The following FCSK variants were observed in gnomAD, a reference collection of about 807,000 sequenced individuals.
FCSK encodes the protein L-fucose kinase.
In FCSK, 123 loss-of-function variants were observed where a neutral mutation model predicts 122.5. The ratio of observed to expected loss-of-function variants is 1.00; its 90% CI spans 0.87 to 1.17. The LOEUF (loss-of-function observed/expected upper bound fraction) is 1.17. Ranked by LOEUF, FCSK falls within the 50% of genes most tolerant of loss-of-function variation. FCSK has a pLI of 0.00. For synonymous variants in FCSK, 620 were observed against 625.5 expected (o/e 0.99, Z 0.13); for missense variants, 1,366 against 1,450.4 (o/e 0.94, Z 0.95).
At position 70,479,767 on chromosome 16, in the gene FCSK, C is replaced by A. The variant is rs550696584; in HGVS notation, c.*87C>A. 5 of 957,246 alleles carry A rather than the reference C, an allele frequency of 5.2e-6. No individual in the cohort carries two copies. In the South Asian group the frequency reaches 6.2e-5, roughly 12 times the overall value. The allele number at this position is 957,246 out of a possible 1,614,324, so 59.3% of individuals were successfully genotyped here. ...CCCATGGGAACCTCCACCTCCTACTCCCCACCCACCTCTGCGAATCTGCTC... is the reference window on the plus strand; with the variant it reads ...CCCATGGGAACCTCCACCTCCTACTACCCACCCACCTCTGCGAATCTGCTC... On this transcript the variant is annotated 3_prime_UTR_variant, in exon 24 of 24. Coordinates refer to ENST00000288078, the MANE Select transcript of FCSK (RefSeq NM_145059.3).
In FCSK at chr16:70,474,565, G is replaced by A. The variant is rs754026874; in HGVS notation, c.2026G>A (p.Gly676Arg). The stretch of plus-strand genomic sequence containing the variant: ...GGTGCGAGCGGCCCGCCACTATGAG[G>A]GGGCTGGTCAGATCCTGATCCGCCA... Reference protein sequence around the residue: ...LLVRAARHYEGAGQILIRQAV... With the variant: ...LLVRAARHYERAGQILIRQAV... Residue 676 changes from glycine (G) to arginine (R), a missense_variant, in exon 17 of 24, where the codon GGG becomes AGG. Physicochemically the swap from Gly to Arg is moderately radical, Grantham distance 125. Coordinates refer to ENST00000288078, the MANE Select transcript of FCSK (RefSeq NM_145059.3). 1.3e-6 allele frequency: 2 copies of A among 1,557,118 alleles called. No individual in the cohort carries two copies. The highest frequency in any genetic ancestry group is 3.9e-5 in the Admixed American group (2 of 51,628).
chr16:70,460,146 G>C (rs1358088318), intron 1 of FCSK, among the ~76,000 whole-genome samples: 1 of 136,142 alleles, frequency 7.3e-6, no homozygotes, highest in Non-Finnish European at 1.5e-5. Context: ...TCGCTCTGTC[G>C]CCCAGGCTGG....
chr16:70,472,171 C>T (rs1006646146), intron 13 of FCSK, among the ~76,000 whole-genome samples: 3 of 152,102 alleles, frequency 2.0e-5, no homozygotes, highest in Non-Finnish European at 4.4e-5. Context: ...GGAGGTAACC[C>T]GCCTTGGGCT....
intron 1 of FCSK, among the ~76,000 whole-genome samples, chr16:70,459,523 G>A (rs890815328): frequency 1.3e-5 from 2 of 152,052 alleles, no homozygotes; most frequent in Non-Finnish European, 2.9e-5. Flanking sequence ...GGGGGATACA[G>A]TAAGACTCCA....
chr16:70,472,721 G>C, intron 14 of FCSK, 116 bp downstream of exon 14: 1 of 929,300 alleles, frequency 1.1e-6, no homozygotes, highest in Non-Finnish European at 1.6e-6. Flanking sequence ...CCATCCAGGG[G>C]CCTGGGTGGT....
chr16:70,464,654 C>A (rs1212664685), intron 3 of FCSK, among the ~76,000 whole-genome samples: 1 of 142,290 alleles, frequency 7.0e-6, no homozygotes, highest in Non-Finnish European at 1.5e-5. Context: ...GAGCTGAGAT[C>A]ATGCCATTGC....
intron 8 of FCSK, 84 bp from the exon 9 acceptor site, chr16:70,468,765 G>A: frequency 6.5e-7 from 1 of 1,539,876 alleles, no homozygotes; most frequent in Middle Eastern, 1.7e-4. Flanking sequence ...GCTTCATGTG[G>A]CCCATCTGCA....
Position 70,478,581 on chromosome 16 carries a change from C to G in FCSK, c.2860C>G (p.Pro954Ala), listed in dbSNP as rs545722467. ...GCTGAGGAGCTGGTATGCCCGACTT[C>G]CTGCTGTGGTGCAGAATGCCCACAG... is the stretch of plus-strand genomic sequence containing the variant. ...DVLRSWYARLPAVVQNAHSLV... is the reference protein window; with the variant it reads ...DVLRSWYARLAAVVQNAHSLV... Residue 954 changes from proline to alanine, a missense_variant, in exon 22 of 24, where the codon CCT becomes GCT. Transcript: ENST00000288078. 6 of 1,613,822 alleles carry G rather than the reference C, an allele frequency of 3.7e-6. No homozygotes were observed. The African/African-American group carries it at 8.0e-5, about 21-fold the overall frequency.
In FCSK at chr16:70,479,677, A is replaced by G. The variant is rs746043117; in HGVS notation, c.3252A>G (p.Pro1084=). The G allele has an allele frequency of 3.7e-6, 6 of 1,613,354 alleles. No individual in the cohort carries two copies. Among genetic ancestry groups the G allele is most frequent in the African/African-American group, 1.3e-5 (1 of 74,900 alleles). Residue 1084 remains proline (P), a synonymous_variant, in exon 24 of 24, where the codon CCA becomes CCG. Transcript: ENST00000288078. ...AGGCCTCAACCTGTTGCCCTTTCCC[A>G]TGAAGCTGGCTTCTCTCTGCAACAG... The part of the protein sequence containing the change: ...GTEASTCCPF[P]
rs376941268 is a variant in FCSK, at chr16:70,466,225, C to A, written c.379C>A (p.Leu127Met). 29 of 1,613,956 alleles carry A rather than the reference C, an allele frequency of 1.8e-5. No individual in the cohort carries two copies. In the Admixed American group the frequency reaches 2.2e-4, roughly 12 times the overall value. ...EAPVEALVCN[L>M]DCLLDIMTYR... ...CCCCGTGGAAGCCTTGGTCTGCAAC[C>A]TGGACTGCCTGCTGGACATCATGAC... The change falls in exon 5 of 24, where the codon CTG becomes ATG. Residue 127 changes from leucine (L) to methionine (M), a missense_variant. By Grantham distance (15) the Leu-to-Met change is conservative. Transcript: ENST00000288078.
rs759531686 is a variant in FCSK, at chr16:70,473,065, T to C, written c.1489T>C (p.Ser497Pro). The change falls in exon 15 of 24, where the codon TCG becomes CCG. Residue 497 changes from serine to proline, a missense_variant. Transcript: ENST00000288078. This position sits in a 1 kb window ranked among gnomAD's most constrained non-coding sequence, Gnocchi z 4.9. ...SARLFPVLHPSRELGPQDLLW... is the reference protein window; with the variant it reads ...SARLFPVLHPPRELGPQDLLW... ...CCGCCTCTTTCCTGTGCTCCACCCC[T>C]CGAGGGAGCTGGGACCCCAGGACCT... The C allele has an allele frequency of 6.3e-7, 1 of 1,589,802 alleles. No individual in the cohort carries two copies. Among genetic ancestry groups the C allele is most frequent in the South Asian group, 1.1e-5 (1 of 87,474 alleles).
Position 70,479,296 on chromosome 16 carries a change from G to C in FCSK, c.3046G>C (p.Val1016Leu). Reference sequence around the variant, plus strand: ...TATGATGGATGTCCTGGCCCCCCACGTGCATGGCCAGAGCCTGGCTGGGGC... The same window carrying C: ...TATGATGGATGTCCTGGCCCCCCACCTGCATGGCCAGAGCCTGGCTGGGGC... ...RRMMDVLAPH[V>L]HGQSLAGAGG... Residue 1016 changes from valine (V) to leucine (L), a missense_variant, in exon 23 of 24, where the codon GTG (valine) becomes CTG (leucine). Transcript: ENST00000288078. 1 of 1,614,052 alleles carries C rather than the reference G, an allele frequency of 6.2e-7. No homozygotes were observed. The highest frequency in any genetic ancestry group is 8.5e-7 in the Non-Finnish European group (1 of 1,180,036).
intron 13 of FCSK, 110 bp downstream of exon 13, chr16:70,471,462 A>T (rs1223846467): frequency 4.4e-6 from 5 of 1,139,464 alleles, no homozygotes; most frequent in Non-Finnish European, 4.9e-6. Context: ...CCCGTGGGAC[A>T]GGCTGTGAGG....
At position 70,470,437 on chromosome 16, in the gene FCSK, C is replaced by T. The variant is rs367993863; in HGVS notation, c.1068+11C>T. 6.5e-7 allele frequency: 1 copy of T among 1,541,382 alleles called. No homozygotes were observed. ...CACTCCCAGGTGGAGGTGAGACCTCCCTGCCCCTCCGGTGCCTGCTGGTTG... is the reference window on the plus strand; with the variant it reads ...CACTCCCAGGTGGAGGTGAGACCTCTCTGCCCCTCCGGTGCCTGCTGGTTG... On this transcript the variant is annotated intron_variant, in intron 11 of 23. Transcript: ENST00000288078.
At chr16:70,464,146 C>T (rs953783353) in intron 3 of FCSK, among the ~76,000 whole-genome samples, 1 of 152,200 alleles carries the variant, frequency 6.6e-6, no homozygotes, top group Admixed American at 6.5e-5. Flanking sequence ...CCTGCTGGTC[C>T]CGTGTCTCCC....
chr16:70,467,348 A>T, intron 6 of FCSK, 26 bp from the exon 7 acceptor site: 1 of 1,541,878 alleles, frequency 6.5e-7, no homozygotes, highest in Non-Finnish European at 8.9e-7. Context: ...GGCCCCTGGG[A>T]GCCTCCTGAC....
Position 70,456,547 on chromosome 16 carries a change from G to A in FCSK, c.-23+1917G>A, listed in dbSNP as rs1411555003. ...CTCAGAGAATGTTTGAGAGCTTCCA[G>A]TCCTTCCTCCTTCAGGGACAGGTTA... On this transcript the variant is annotated intron_variant, in intron 1 of 23. Transcript: ENST00000288078. Among the ~76,000 whole-genome samples the A allele has an allele frequency of 2.0e-5, 3 of 152,180 alleles. No individual in the cohort carries two copies. The East Asian group carries it at 5.8e-4, about 29-fold the overall frequency.
In FCSK at chr16:70,470,311, C is replaced by T. The variant is rs780343273; in HGVS notation, c.956-3C>T. The T allele has an allele frequency of 1.9e-6, 3 of 1,607,508 alleles. No homozygotes were observed. The highest frequency in any genetic ancestry group is 2.6e-6 in the Non-Finnish European group (3 of 1,174,982). Reference sequence around the variant, plus strand: ...GTTGGGTTCAGTACTTATGTCTTTACAGCCTATGTCTCCAGCGGCAGCTAC... The same window carrying T: ...GTTGGGTTCAGTACTTATGTCTTTATAGCCTATGTCTCCAGCGGCAGCTAC... On this transcript the variant is annotated splice_polypyrimidine_tract_variant and splice_region_variant and intron_variant, in intron 10 of 23. Transcript: ENST00000288078.
In FCSK at chr16:70,473,763, C is replaced by G. The variant is rs1000378653; in HGVS notation, c.1778-366C>G. Among the ~76,000 whole-genome samples, 1 of 152,180 alleles carries G rather than the reference C, an allele frequency of 6.6e-6. No homozygotes were observed. The highest frequency in any genetic ancestry group is 2.4e-5 in the African/African-American group (1 of 41,454). Reference sequence around the variant, plus strand: ...ACAGCCTTAGCCTCCTAGGCTGAACCTCATGGAAGGTCCCAGGGACCGTGG... The same window carrying G: ...ACAGCCTTAGCCTCCTAGGCTGAACGTCATGGAAGGTCCCAGGGACCGTGG... On this transcript the variant is annotated intron_variant, in intron 15 of 23. Transcript: ENST00000288078. The surrounding 1 kb of genome is among the most constrained non-coding windows in gnomAD (Gnocchi z 4.9).
Sources: allele counts gnomAD v4.1 joint callset (sites outside exome capture counted in the v4.1 genomes callset), GRCh38; gene constraint gnomAD v4.1.1; non-coding constraint Gnocchi (gnomAD v3.1); transcripts MANE v1.5; gene names NCBI Gene and HGNC (gene_info 2026-07-23, HGNC 2026-07-21).